Variants in FCRL6 observed in about 807,000 individuals in gnomAD.
The protein encoded by FCRL6 is Fc receptor like 6.
Under a neutral mutation model 49.1 loss-of-function variants are expected in FCRL6, and 50 were observed. The observed-to-expected ratio is 1.02, with a 90% CI of 0.81 to 1.29. FCRL6 has a LOEUF of 1.29. Ranked by LOEUF, FCRL6 falls within the 50% of genes most tolerant of loss-of-function variation. The pLI is 0.00. For synonymous variants in FCRL6, 213 were observed against 199.6 expected (o/e 1.07, Z -0.57); for missense variants, 571 against 518.5 (o/e 1.10, Z -0.98).
intron 8 of FCRL6, among the ~76,000 whole-genome samples, chr1:159,815,075 G>A (rs187831195): frequency 3.4e-4 from 52 of 152,310 alleles, no homozygotes; most frequent in African/African-American, 9.4e-4. Context: ...TGTTGCTGTC[G>A]TTTTAATGTC....
intron 1 of FCRL6, among the ~76,000 whole-genome samples, chr1:159,803,652 G>A (rs952988416): frequency 1.3e-5 from 2 of 152,214 alleles, no homozygotes; most frequent in East Asian, 3.8e-4. Flanking sequence ...AAAAGGAACA[G>A]CCCTTGGACT....
intron 1 of FCRL6, among the ~76,000 whole-genome samples, chr1:159,805,874 T>A (rs1264940561): frequency 6.6e-6 from 1 of 152,260 alleles, no homozygotes; most frequent in Non-Finnish European, 1.5e-5. Flanking sequence ...CCTTGCTATA[T>A]GGGTTCTCCT....
chr1:159,810,107 G>A lies in FCRL6; in HGVS notation c.900G>A (p.Leu300=), dbSNP rs1388914942. ...KKLSLKGSQV[L]FTPASNWLVP... Reference sequence around the variant, plus strand: ...CCCTGCTCCCAGGTTCTCAAGTCTTGTTCACTCCCGCCAGCAACTGGCTGG... The same window carrying A: ...CCCTGCTCCCAGGTTCTCAAGTCTTATTCACTCCCGCCAGCAACTGGCTGG... Residue 300 remains leucine (L), a synonymous_variant, in exon 6 of 10, where the codon TTG becomes TTA. Transcript: ENST00000368106. The A allele has an allele frequency of 1.2e-6, 2 of 1,612,602 alleles. No homozygotes were observed. Among genetic ancestry groups the A allele is most frequent in the African/African-American group, 2.7e-5 (2 of 74,824 alleles).
At chr1:159,804,583 G>A (rs186230253) in intron 1 of FCRL6, among the ~76,000 whole-genome samples, 64 of 152,316 alleles carry the variant, frequency 4.2e-4, no homozygotes, top group African/African-American at 1.3e-3. Context: ...AGGAACTGCT[G>A]TAAGCAGGTG....
At chr1:159,807,660 A>G (rs1353625994) in intron 2 of FCRL6, among the ~76,000 whole-genome samples, 2 of 152,176 alleles carry the variant, frequency 1.3e-5, no homozygotes, top group African/African-American at 2.4e-5. Flanking sequence ...CACCTCCAAC[A>G]TGCCCCACCA....
At chr1:159,800,662 C>T (rs750063527), upstream of FCRL6, 24 of 1,511,088 alleles carry the variant, frequency 1.6e-5, no homozygotes, top group South Asian at 2.5e-4. Flanking sequence ...CACTACTTTT[C>T]CCTCTTTCCT....
At position 159,815,530 on chromosome 1, in the gene FCRL6, C is replaced by A. The variant is rs769546369; in HGVS notation, c.1180-6C>A. On this transcript the variant is annotated splice_polypyrimidine_tract_variant and splice_region_variant and intron_variant, in intron 9 of 9. Coordinates refer to ENST00000368106, the MANE Select transcript of FCRL6 (RefSeq NM_001004310.3). ...GCTTCCTCATCCTGAGCCAACTCTT[C>A]CACAGGACAGTTCTATCATCTGTGC... 1 of 1,614,062 alleles carries A rather than the reference C, an allele frequency of 6.2e-7. No individual in the cohort carries two copies. Among genetic ancestry groups the A allele is most frequent in the Admixed American group, 1.7e-5 (1 of 59,994 alleles).
In FCRL6 at chr1:159,806,710, A is replaced by G. The variant is rs184922930; in HGVS notation, c.52+94A>G. On this transcript the variant is annotated intron_variant, in intron 2 of 9. Coordinates refer to ENST00000368106, the MANE Select transcript of FCRL6 (RefSeq NM_001004310.3). The stretch of plus-strand genomic sequence containing the variant: ...GGACAGTGCCATGGGGTCCCCCAGA[A>G]ACATCTGCAGAGCAGCACCAGACTA... 1,083 of 1,268,810 alleles carry G rather than the reference A, an allele frequency of 8.5e-4. 1 individual carries two copies. Among genetic ancestry groups the G allele is most frequent in the Non-Finnish European group, 6.5e-4 (562 of 864,982 alleles). 78.6% of individuals were successfully genotyped at this position (1,268,810 alleles called of 1,614,324 possible).
chr1:159,809,755 C>A, intron 5 of FCRL6, 72 bp downstream of exon 5: 1 of 1,339,110 alleles, frequency 7.5e-7, no homozygotes, highest in Non-Finnish European at 1.0e-6. Flanking sequence ...CCTCTGTGTA[C>A]CTCCCATCAC....
intron 6 of FCRL6, among the ~76,000 whole-genome samples, chr1:159,812,805 T>C (rs891937295): frequency 2.0e-5 from 3 of 152,214 alleles, no homozygotes; most frequent in Non-Finnish European, 2.9e-5. Flanking sequence ...AACCAAGTGT[T>C]CTAAAATCTA....
intron 2 of FCRL6, among the ~76,000 whole-genome samples, chr1:159,806,930 C>G (rs1201627438): frequency 1.3e-5 from 2 of 152,208 alleles, no homozygotes; most frequent in African/African-American, 4.8e-5. Context: ...ATATTCTCAA[C>G]TCAACAAGAC....
chr1:159,802,251 T>C (rs886371625), upstream of FCRL6: 3 of 583,712 alleles, frequency 5.1e-6, no homozygotes, highest in Non-Finnish European at 3.1e-6. Flanking sequence ...AGAGGAAATA[T>C]CAATTAGAGC....
At position 159,809,330 on chromosome 1, in the gene FCRL6, G is replaced by A. The variant is rs1240467586; in HGVS notation, c.605-72G>A. The A allele has an allele frequency of 6.5e-6, 10 of 1,527,256 alleles. No individual in the cohort carries two copies. The East Asian group carries it at 2.3e-4, about 35-fold the overall frequency. The allele number at this position is 1,527,256 out of a possible 1,614,324, so 94.6% of individuals were successfully genotyped here. ...CCTGGGACTAAAGGAGTTGGGGGAA[G>A]GGTCCCCAGGAGAGGAGGGAGCCAG... On this transcript the variant is annotated intron_variant, in intron 4 of 9. Transcript: ENST00000368106.
rs757018410 is a variant in FCRL6 at position 159,810,052 on chromosome 1, T to C, written c.887-42T>C. On this transcript the variant is annotated intron_variant, in intron 5 of 9. Transcript: ENST00000368106. ...CAGGCTAGAATGCATTTCCGAATTTTATCTTCAGTGCTCATGGCCACCTTC... is the reference window on the plus strand; with the variant it reads ...CAGGCTAGAATGCATTTCCGAATTTCATCTTCAGTGCTCATGGCCACCTTC... 20 of 1,588,828 alleles carry C rather than the reference T, an allele frequency of 1.3e-5. No individual in the cohort carries two copies. In the East Asian group the frequency reaches 4.5e-4, roughly 36 times the overall value.
upstream of FCRL6, among the ~76,000 whole-genome samples, chr1:159,802,062 C>A (rs1281873274): frequency 2.6e-5 from 4 of 152,138 alleles, no homozygotes; most frequent in South Asian, 2.1e-4. Context: ...TGAAGCCAAG[C>A]AAATTCGGGC....
chr1:159,815,305 G>T, intron 8 of FCRL6, 123 bp from the exon 9 acceptor site: 1 of 985,620 alleles, frequency 1.0e-6, no homozygotes, highest in Non-Finnish European at 1.5e-6. Flanking sequence ...AGGAGTGAAA[G>T]GAATCTCCCC....
intron 4 of FCRL6, 67 bp downstream of exon 4, chr1:159,809,312 C>G (rs1382175780): frequency 1.0e-5 from 16 of 1,527,434 alleles, no homozygotes; most frequent in African/African-American, 6.9e-5. Flanking sequence ...TCCCCTGGGA[C>G]TAAAGGAGTT....
rs140064910 is a variant in FCRL6, at chr1:159,812,054, A to G, written c.1010-1435A>G. 6.6e-5 allele frequency among the ~76,000 whole-genome samples: 10 copies of G among 152,366 alleles called. No homozygotes were observed. In the East Asian group the frequency reaches 1.9e-3, roughly 29 times the overall value. On this transcript the variant is annotated intron_variant, in intron 6 of 9. Coordinates refer to ENST00000368106, the MANE Select transcript of FCRL6 (RefSeq NM_001004310.3). ...TACCTTTCACAGGGAACAAAAGAGC[A>G]TCCTCTTGATGTAGAGATTATAAAC...
intron 2 of FCRL6, among the ~76,000 whole-genome samples, chr1:159,807,768 T>TA (rs1662792058): frequency 6.6e-6 from 1 of 151,982 alleles, no homozygotes; most frequent in Admixed American, 6.6e-5. Flanking sequence ...CAATCTAGGC[T>TA]GGAGGGAATT....
Sources: allele counts gnomAD v4.1 joint callset (sites outside exome capture counted in the v4.1 genomes callset), GRCh38; gene constraint gnomAD v4.1.1; transcripts MANE v1.5; gene names NCBI Gene and HGNC (gene_info 2026-07-23, HGNC 2026-07-21).